The following RABGAP1 variants were observed in gnomAD, a reference collection of about 807,000 sequenced individuals.
RABGAP1 encodes the protein RAB GTPase activating protein 1, also known as rab GTPase-activating protein 1.
A neutral mutation model predicts 137.6 loss-of-function variants in RABGAP1; 23 were observed. The ratio of observed to expected loss-of-function variants is 0.17; its 90% CI spans 0.12 to 0.24. The LOEUF is 0.24. Among genes scored for constraint, RABGAP1 ranks in the 10% least tolerant of loss-of-function variants. The pLI is 1.00. For missense variants in RABGAP1, 906 were observed against 1,275.8 expected (o/e 0.71, Z 4.42); for synonymous variants, 451 against 450.7 (o/e 1.00, Z -0.01).
intron 13 of RABGAP1, among the ~76,000 whole-genome samples, chr9:123,035,991 T>A (rs1032390509): frequency 8.5e-5 from 13 of 152,220 alleles, no homozygotes; most frequent in Non-Finnish European, 1.8e-4. Flanking sequence ...AAGTCATCAC[T>A]TTCTTGTCAC....
chr9:123,034,891 G>A (rs1247937187), intron 13 of RABGAP1: 13 of 1,613,764 alleles, frequency 8.1e-6, no homozygotes, highest in Non-Finnish European at 1.1e-5. Context: ...TGGTTTTGTA[G>A]TATCAGTTCT....
chr9:122,993,539 T>C (rs1588232471), intron 6 of RABGAP1, among the ~76,000 whole-genome samples: 2 of 152,174 alleles, frequency 1.3e-5, no homozygotes, highest in East Asian at 3.9e-4. Flanking sequence ...CCCAAATTGC[T>C]GGGATTACAG....
At chr9:123,063,127 T>C (rs1459620280) in intron 13 of RABGAP1, 1 of 152,336 alleles carries the variant, frequency 6.6e-6, no homozygotes, top group African/African-American at 2.4e-5. Context: ...CTTTTTCAGG[T>C]TGTCATCTCC....
At chr9:122,989,222 C>G in intron 4 of RABGAP1, 75 bp from the exon 5 acceptor site, 1 of 1,325,766 alleles carries the variant, frequency 7.5e-7, no homozygotes, top group Non-Finnish European at 1.1e-6. Flanking sequence ...AAGAATGAGT[C>G]TCACATCTTA....
intron 2 of RABGAP1, among the ~76,000 whole-genome samples, chr9:122,957,935 G>C (rs552987038): frequency 6.9e-6 from 1 of 143,922 alleles, no homozygotes; most frequent in East Asian, 2.0e-4. Context: ...ATTTTGTCAT[G>C]TGCTCAACAG....
At chr9:122,978,439 G>C (rs1450270385) in intron 2 of RABGAP1, among the ~76,000 whole-genome samples, 1 of 152,076 alleles carries the variant, frequency 6.6e-6, no homozygotes, top group Non-Finnish European at 1.5e-5. Context: ...ATAAACATTT[G>C]GGTTGTATTC....
intron 14 of RABGAP1, among the ~76,000 whole-genome samples, chr9:123,069,799 C>T (rs1446656194): frequency 6.6e-6 from 1 of 151,870 alleles, no homozygotes; most frequent in Non-Finnish European, 1.5e-5. Context: ...GAGCAGGATC[C>T]CTTGAGCCCA....
At chr9:123,075,671 G>A (rs1052936496) in intron 17 of RABGAP1, among the ~76,000 whole-genome samples, 4 of 152,202 alleles carry the variant, frequency 2.6e-5, no homozygotes, top group African/African-American at 4.8e-5. Flanking sequence ...GGCATGCTAA[G>A]TAATTTACAT....
At chr9:123,053,325 T>C (rs1227450477) in intron 13 of RABGAP1, among the ~76,000 whole-genome samples, 2 of 152,216 alleles carry the variant, frequency 1.3e-5, no homozygotes, top group Non-Finnish European at 2.9e-5. Context: ...TTTATTTTGC[T>C]CAGTTCTACT....
chr9:122,977,280 G>C (rs571718490), intron 2 of RABGAP1, among the ~76,000 whole-genome samples: 1 of 152,332 alleles, frequency 6.6e-6, no homozygotes, highest in South Asian at 2.1e-4. Context: ...ATGCAGAGAA[G>C]ATAGAAGGGA....
At chr9:123,035,230 A>G in intron 13 of RABGAP1, 1 of 1,614,152 alleles carries the variant, frequency 6.2e-7, no homozygotes, top group Non-Finnish European at 8.5e-7. Flanking sequence ...CCAACAGCAC[A>G]CAAAGGATAT....
At chr9:123,079,669 C>G (rs1039754654) in intron 19 of RABGAP1, among the ~76,000 whole-genome samples, 2 of 152,168 alleles carry the variant, frequency 1.3e-5, no homozygotes, top group Non-Finnish European at 2.9e-5. Context: ...CCTTCCAATT[C>G]AGACACGCTG....
intron 13 of RABGAP1, chr9:123,029,598 C>T (rs562374646): frequency 3.1e-5 from 23 of 744,420 alleles, no homozygotes; most frequent in Non-Finnish European, 5.6e-5. Context: ...TCATATGTAG[C>T]TTTGTCAAAC....
chr9:122,991,103 T>C (rs991666992), intron 6 of RABGAP1, among the ~76,000 whole-genome samples: 2 of 151,784 alleles, frequency 1.3e-5, no homozygotes, highest in African/African-American at 2.4e-5. Flanking sequence ...AACCATGGAA[T>C]AGAAGTCAAA....
intron 13 of RABGAP1, among the ~76,000 whole-genome samples, chr9:123,051,166 G>A (rs1435472150): frequency 7.4e-6 from 1 of 135,000 alleles, no homozygotes; most frequent in African/African-American, 2.7e-5. Flanking sequence ...AGCATTCAGC[G>A]ACTGTGCCTT....
At chr9:123,010,229 G>A (rs950745110) in intron 10 of RABGAP1, 125 bp from the exon 11 acceptor site, 6 of 803,612 alleles carry the variant, frequency 7.5e-6, no homozygotes, top group African/African-American at 3.5e-5. Context: ...TTCACATCCT[G>A]TATGAAATCA....
intron 1 of RABGAP1, among the ~76,000 whole-genome samples, chr9:122,953,934 C>T (rs944262594): frequency 6.6e-6 from 1 of 152,138 alleles, no homozygotes; most frequent in Non-Finnish European, 1.5e-5. Context: ...CTTAATCAGA[C>T]ATAAAAAAGC....
At chr9:123,097,917 G>A in intron 22 of RABGAP1, 72 bp downstream of exon 22, 5 of 1,306,092 alleles carry the variant, frequency 3.8e-6, no homozygotes, top group South Asian at 2.7e-5. Flanking sequence ...GTGGCTTCCT[G>A]TTGGCACTAG....
intron 4 of RABGAP1, among the ~76,000 whole-genome samples, chr9:122,988,999 G>A (rs961390637): frequency 2.0e-5 from 3 of 148,536 alleles, no homozygotes; most frequent in Non-Finnish European, 3.0e-5. Flanking sequence ...TCTAATTTAC[G>A]TATTAATCGT....
Sources: gnomAD v4.1 joint callset for allele counts (sites outside exome capture counted in the v4.1 genomes callset) on GRCh38, gnomAD v4.1.1 for gene constraint, MANE v1.5 for transcripts, NCBI Gene and HGNC (gene_info 2026-07-23, HGNC 2026-07-21) for gene names.